Variants in SAMMSON observed in about 807,000 individuals in gnomAD.
The protein encoded by SAMMSON is long intergenic non-protein coding RNA 1212.
chr3:70,356,030 G>A (rs1349726779), intron 8 of SAMMSON, among the ~76,000 whole-genome samples: 2 of 152,080 alleles, frequency 1.3e-5, no homozygotes, highest in East Asian at 1.9e-4. Flanking sequence ...TACATCAATA[G>A]GATTAGTTCT....
chr3:70,151,729 C>T (rs1237889586), intron 4 of SAMMSON, among the ~76,000 whole-genome samples: 1 of 151,950 alleles, frequency 6.6e-6, no homozygotes, highest in African/African-American at 2.4e-5. Flanking sequence ...GCCGTCATCT[C>T]ATCATGTAAA....
intron 4 of SAMMSON, among the ~76,000 whole-genome samples, chr3:70,215,289 T>G (rs1469460120): frequency 6.6e-6 from 1 of 152,038 alleles, no homozygotes; most frequent in East Asian, 1.9e-4. Flanking sequence ...GTACTTGAAC[T>G]TACGTCTTCT....
chr3:70,275,131 A>G (rs1384053374), intron 6 of SAMMSON, among the ~76,000 whole-genome samples: 1 of 152,190 alleles, frequency 6.6e-6, no homozygotes, highest in Non-Finnish European at 1.5e-5. Context: ...CTGACTTTAT[A>G]GTTATTTAAA....
intron 7 of SAMMSON, among the ~76,000 whole-genome samples, chr3:70,292,782 C>A (rs578025832): frequency 2.0e-5 from 3 of 151,936 alleles, no homozygotes; most frequent in East Asian, 3.9e-4. Context: ...GAATTATTTT[C>A]TTTTCGTGGT....
intron 7 of SAMMSON, among the ~76,000 whole-genome samples, chr3:70,321,881 G>A (rs1000182): frequency 0.051 from 7,765 of 151,960 alleles, 314 homozygotes; most frequent in African/African-American, 0.1. Context: ...AAATTGTAGC[G>A]TAGAGATGAA....
At chr3:70,028,631 G>T (rs774025247) in intron 3 of SAMMSON, among the ~76,000 whole-genome samples, 1 of 152,158 alleles carries the variant, frequency 6.6e-6, no homozygotes, top group African/African-American at 2.4e-5. Flanking sequence ...GGAAGATTTT[G>T]GTAGAAGACA....
chr3:70,010,786 T>C (rs977502883), intron 1 of SAMMSON, among the ~76,000 whole-genome samples: 6 of 152,132 alleles, frequency 3.9e-5, no homozygotes, highest in African/African-American at 1.4e-4. Flanking sequence ...TCAGGAAACT[T>C]ACAAACATGG....
At chr3:70,310,684 T>C (rs1702446344) in intron 7 of SAMMSON, among the ~76,000 whole-genome samples, 2 of 152,066 alleles carry the variant, frequency 1.3e-5, no homozygotes, top group Admixed American at 1.3e-4. Context: ...ATTTTTAAAT[T>C]AGGGTTGGGG....
chr3:70,382,447 G>T (rs1033504534), intron 9 of SAMMSON, among the ~76,000 whole-genome samples: 1 of 152,096 alleles, frequency 6.6e-6, no homozygotes, highest in Non-Finnish European at 1.5e-5. Context: ...AATATCTGGA[G>T]ATATTTCTGG....
downstream of SAMMSON, among the ~76,000 whole-genome samples, chr3:70,394,642 C>G (rs1472932034): frequency 6.6e-6 from 1 of 152,154 alleles, no homozygotes; most frequent in African/African-American, 2.4e-5. Flanking sequence ...CTTATTGCCA[C>G]TGAACTGTAC....
chr3:70,260,930 C>G (rs1486070105), intron 6 of SAMMSON, among the ~76,000 whole-genome samples: 1 of 152,106 alleles, frequency 6.6e-6, no homozygotes, highest in Non-Finnish European at 1.5e-5. Context: ...GATGGAGAAA[C>G]TGAGTCCAGG....
intron 4 of SAMMSON, among the ~76,000 whole-genome samples, chr3:70,231,370 A>G (rs1417410067): frequency 6.6e-6 from 1 of 152,190 alleles, no homozygotes; most frequent in Non-Finnish European, 1.5e-5. Context: ...CAAGCTGTCA[A>G]CGCAAACTTG....
At chr3:70,006,275 A>G (rs576521390) in intron 1 of SAMMSON, among the ~76,000 whole-genome samples, 1 of 152,316 alleles carries the variant, frequency 6.6e-6, no homozygotes, top group South Asian at 2.1e-4. Flanking sequence ...CTGTGCTCTC[A>G]CACATTTGTG....
intron 4 of SAMMSON, among the ~76,000 whole-genome samples, chr3:70,129,042 C>G (rs2067470017): frequency 6.6e-6 from 1 of 152,088 alleles, no homozygotes; most frequent in African/African-American, 2.4e-5. Flanking sequence ...CGGTCTGGCA[C>G]CAATAAATAT....
intron 4 of SAMMSON, among the ~76,000 whole-genome samples, chr3:70,147,919 G>C (rs1442296011): frequency 6.6e-6 from 1 of 151,954 alleles, no homozygotes; most frequent in African/African-American, 2.4e-5. Flanking sequence ...AGGACTTATA[G>C]CCTGAATTTA....
intron 1 of SAMMSON, among the ~76,000 whole-genome samples, chr3:70,008,178 C>T (rs12639190): frequency 0.29 from 43,792 of 151,822 alleles, 6,746 homozygotes; most frequent in East Asian, 0.57. Flanking sequence ...TCCAATTCTG[C>T]GAAGAAAGTC....
chr3:70,046,167 C>T (rs895207307), intron 3 of SAMMSON, among the ~76,000 whole-genome samples: 2 of 152,134 alleles, frequency 1.3e-5, no homozygotes, highest in Admixed American at 1.3e-4. Context: ...TTCTTTGGCA[C>T]AACTCCATGC....
At chr3:70,096,889 G>A (rs2067324879) in intron 4 of SAMMSON, among the ~76,000 whole-genome samples, 1 of 152,174 alleles carries the variant, frequency 6.6e-6, no homozygotes, top group African/African-American at 2.4e-5. Context: ...CTATGGCCTG[G>A]TGAGTTTGAG....
rs542317093 is a variant in SAMMSON, at chr3:70,299,321, G to A, written n.739+8078G>A. On this transcript the variant is annotated intron_variant and non_coding_transcript_variant, in intron 7 of 9. Coordinates refer to ENST00000642114, the Ensembl canonical transcript of SAMMSON. ...TTTTATTAAAATTATAAATTTGTGC[G>A]TTATTTGTATACACACACAAATATA... Among the ~76,000 whole-genome samples the A allele has an allele frequency of 4.8e-4, 73 of 151,912 alleles. 1 individual carries two copies. The highest frequency in any genetic ancestry group is 8.3e-4 in the South Asian group (4 of 4,822).
Sources: gnomAD v4.1 joint callset for allele counts (sites outside exome capture counted in the v4.1 genomes callset) on GRCh38, gnomAD v4.1.1 for gene constraint, MANE v1.5 for transcripts, NCBI Gene and HGNC (gene_info 2026-07-23, HGNC 2026-07-21) for gene names.